STXBP5L: variants seen among roughly 807,000 people sequenced by gnomAD.
The protein encoded by STXBP5L is syntaxin-binding protein 5-like.
STXBP5L carries 65 observed loss-of-function variants against 144.5 expected under a neutral mutation model. That is an observed-to-expected ratio of 0.45 (90% CI 0.37 to 0.55). The LOEUF is 0.55. Among genes scored for constraint, STXBP5L ranks in the 20% least tolerant of loss-of-function variants. The pLI is 0.00. For synonymous variants in STXBP5L, 505 were observed against 469.6 expected, an observed-to-expected ratio of 1.08 and a Z score of -0.97; for missense variants, 1,298 against 1,405.5, an observed-to-expected ratio of 0.92 and a Z score of 1.22.
At chr3:121,000,777 A>T (rs1210718793) in intron 3 of STXBP5L, among the ~76,000 whole-genome samples, 1 of 152,112 alleles carries the variant, frequency 6.6e-6, no homozygotes, top group Middle Eastern at 3.4e-3. Context: ...TGTCCTTTGG[A>T]TGGGGCTTTT....
chr3:121,353,019 C>T lies in STXBP5L; in HGVS notation c.2177-25697C>T, dbSNP rs536511182. Among the ~76,000 whole-genome samples the T allele has an allele frequency of 2.0e-5, 3 of 152,190 alleles. No homozygotes were observed. In the South Asian group the frequency reaches 6.2e-4, roughly 32 times the overall value. ...GCGTATGTTGAACCAGCATTGCATC[C>T]CAGGGAGGAAGCCAGCCTGATCGTG... On this transcript the variant is annotated intron_variant, in intron 20 of 26. Coordinates refer to ENST00000471454, the MANE Select transcript of STXBP5L (RefSeq NM_001308330.2).
intron 5 of STXBP5L, 33 bp downstream of exon 5, chr3:121,045,568 G>C: frequency 6.4e-7 from 1 of 1,574,382 alleles, no homozygotes; most frequent in South Asian, 1.2e-5. Flanking sequence ...ATTTCTTAAT[G>C]TACAACAAAA....
rs141971009 is a variant in STXBP5L at position 121,098,785 on chromosome 3, C to T, written c.471-16140C>T. The stretch of plus-strand genomic sequence containing the variant: ...AAAAGACCACTCTGGCCATTGTTCC[C>T]TACAAGGAATCCAGTTTATAATTGG... On this transcript the variant is annotated intron_variant, in intron 5 of 26. Coordinates refer to ENST00000471454, the MANE Select transcript of STXBP5L (RefSeq NM_001308330.2). Among the ~76,000 whole-genome samples, 1,243 of 152,242 alleles carry T rather than the reference C, an allele frequency of 8.2e-3. 7 individuals are homozygous for T. Among genetic ancestry groups the T allele is most frequent in the Middle Eastern group, 0.044 (13 of 294 alleles).
Position 120,997,599 on chromosome 3 carries a change from C to A in STXBP5L, c.287+42562C>A, listed in dbSNP as rs187544673. ...TCTTTTGAGTAGCATCTGTTCATGT[C>A]CTTTGCCCAATTTTTAGTGGGGTTG... On this transcript the variant is annotated intron_variant, in intron 3 of 26. Transcript: ENST00000471454. 3.9e-5 allele frequency among the ~76,000 whole-genome samples: 6 copies of A among 152,130 alleles called. No individual in the cohort carries two copies. In the East Asian group the frequency reaches 1.2e-3, roughly 29 times the overall value.
chr3:121,349,053 G>T (rs890914742), intron 20 of STXBP5L, among the ~76,000 whole-genome samples: 3 of 152,012 alleles, frequency 2.0e-5, no homozygotes, highest in South Asian at 4.2e-4. Flanking sequence ...TGATGTTAGG[G>T]TGTCAGTTTT....
intron 3 of STXBP5L, among the ~76,000 whole-genome samples, chr3:120,980,916 G>C (rs941006630): frequency 2.0e-5 from 3 of 151,938 alleles, no homozygotes; most frequent in African/African-American, 7.3e-5. Flanking sequence ...AATTCCCTTA[G>C]CCGTTTCTTG....
At chr3:121,019,631 G>T (rs1280019171) in intron 3 of STXBP5L, among the ~76,000 whole-genome samples, 2 of 152,144 alleles carry the variant, frequency 1.3e-5, no homozygotes, top group Non-Finnish European at 2.9e-5. Context: ...TACCAGCCCA[G>T]AGCCCAGTAG....
rs1481385122 is a variant in STXBP5L at position 121,315,276 on chromosome 3, A to T, written c.2111-3199A>T. On this transcript the variant is annotated intron_variant, in intron 19 of 26. Transcript: ENST00000471454. ...ATAGACTGGATTAAGAAAATGTGGC[A>T]CATATACACCATGGAATACTATGCA... Among the ~76,000 whole-genome samples the T allele has an allele frequency of 2.0e-5, 3 of 152,276 alleles. No homozygotes were observed. The East Asian group carries it at 5.8e-4, about 29-fold the overall frequency.
intron 3 of STXBP5L, among the ~76,000 whole-genome samples, chr3:121,007,999 T>C (rs1944476565): frequency 6.6e-6 from 1 of 152,066 alleles, no homozygotes; most frequent in Non-Finnish European, 1.5e-5. Flanking sequence ...ATTCTAAGGT[T>C]GTAATAGATA....
intron 3 of STXBP5L, among the ~76,000 whole-genome samples, chr3:121,031,520 A>T (rs996166524): frequency 2.8e-4 from 42 of 152,066 alleles, no homozygotes; most frequent in African/African-American, 9.7e-4. Flanking sequence ...GGGATGATTG[A>T]TGTTGCTGTC....
chr3:120,985,436 A>C (rs963825449), intron 3 of STXBP5L, among the ~76,000 whole-genome samples: 1 of 152,070 alleles, frequency 6.6e-6, no homozygotes, highest in Non-Finnish European at 1.5e-5. Context: ...GAGAGCATTT[A>C]AAATGTGCTG....
chr3:121,281,995 A>G (rs2051076185), intron 19 of STXBP5L, among the ~76,000 whole-genome samples: 1 of 151,178 alleles, frequency 6.6e-6, no homozygotes, highest in South Asian at 2.1e-4. Context: ...TTTAAATAAG[A>G]TAAAAATAAA....
chr3:121,113,672 CTTT>C (rs1231857211), intron 5 of STXBP5L, among the ~76,000 whole-genome samples: 4 of 122,560 alleles, frequency 3.3e-5, no homozygotes, highest in Non-Finnish European at 5.0e-5. Context: ...TTTTCTTTTT[CTTT>C]TTTTTTTTTT....
At chr3:121,044,520 C>T (rs748084606) in intron 4 of STXBP5L, among the ~76,000 whole-genome samples, 5 of 152,044 alleles carry the variant, frequency 3.3e-5, no homozygotes, top group Non-Finnish European at 7.4e-5. Flanking sequence ...ATATAAAAAG[C>T]CTTTTAGGTA....
At chr3:121,124,312 A>G (rs1179761333) in intron 7 of STXBP5L, among the ~76,000 whole-genome samples, 2 of 151,930 alleles carry the variant, frequency 1.3e-5, no homozygotes. Flanking sequence ...ATTCTAGTAT[A>G]TGAATTTTGG....
chr3:121,089,000 C>T (rs1420416989), intron 5 of STXBP5L, among the ~76,000 whole-genome samples: 2 of 103,208 alleles, frequency 1.9e-5, no homozygotes, highest in Non-Finnish European at 3.7e-5. Context: ...CTAGATGACA[C>T]GTTAGTGGGT....
intron 5 of STXBP5L, among the ~76,000 whole-genome samples, chr3:121,101,590 G>A (rs1204970611): frequency 6.6e-6 from 1 of 151,740 alleles, no homozygotes; most frequent in Non-Finnish European, 1.5e-5. Flanking sequence ...CCATAGAATG[G>A]TAAGAGCTAT....
At chr3:121,043,738 C>T (rs1188276138) in intron 4 of STXBP5L, among the ~76,000 whole-genome samples, 1 of 152,012 alleles carries the variant, frequency 6.6e-6, no homozygotes, top group Non-Finnish European at 1.5e-5. Context: ...AAAAAGAATA[C>T]TGAGTTCCTC....
rs373254798 is a variant in STXBP5L at position 121,223,118 on chromosome 3, G to A, written c.1072G>A (p.Val358Ile). The change falls in exon 11 of 27, where the codon GTT (valine) becomes ATT (isoleucine). Residue 358 changes from valine (V) to isoleucine (I), a missense_variant. Transcript: ENST00000471454. ...ITVLEMDHPI[V>I]EFLTLCETPY... ...AGTACTTGAAATGGATCATCCTATT[G>A]TTGAATTTCTAACTTTATGTGAAAC... The A allele has an allele frequency of 1.2e-5, 20 of 1,610,454 alleles. No individual in the cohort carries two copies. Among genetic ancestry groups the A allele is most frequent in the African/African-American group, 2.7e-5 (2 of 74,688 alleles).
Sources: gnomAD v4.1 joint callset for allele counts (sites outside exome capture counted in the v4.1 genomes callset) on GRCh38, gnomAD v4.1.1 for gene constraint, MANE v1.5 for transcripts, NCBI Gene and HGNC (gene_info 2026-07-23, HGNC 2026-07-21) for gene names.